Variants in CACNA2D3 observed in about 807,000 individuals in gnomAD.
CACNA2D3 encodes voltage-dependent calcium channel subunit alpha-2/delta-3.
A neutral mutation model predicts 160.6 loss-of-function variants in CACNA2D3; 60 were observed. The ratio of observed to expected loss-of-function variants is 0.37; its 90% CI spans 0.30 to 0.46. CACNA2D3 has a LOEUF of 0.46. Among genes scored for constraint, CACNA2D3 ranks in the 20% least tolerant of loss-of-function variants. The pLI is 1.00. For synonymous variants in CACNA2D3, 558 were observed against 492.9 expected (o/e 1.13, Z -1.75); for missense variants, 1,205 against 1,365.0 (o/e 0.88, Z 1.85).
chr3:54,236,035 C>T (rs1701870350), intron 2 of CACNA2D3, among the ~76,000 whole-genome samples: 1 of 152,228 alleles, frequency 6.6e-6, no homozygotes, highest in South Asian at 2.1e-4. Context: ...CACTTTACCT[C>T]TGTGGTCTTC....
chr3:54,789,726 G>T (rs1702710305), intron 13 of CACNA2D3: 1 of 452,838 alleles, frequency 2.2e-6, no homozygotes, highest in African/African-American at 2.0e-5. Flanking sequence ...TATATGAGTT[G>T]TCAGAGCTTT....
At chr3:54,938,991 C>A (rs952806277) in intron 27 of CACNA2D3, among the ~76,000 whole-genome samples, 1 of 152,164 alleles carries the variant, frequency 6.6e-6, no homozygotes, top group Non-Finnish European at 1.5e-5. Context: ...AAGGGTAGCA[C>A]ACGTTAGACA....
chr3:54,436,073 A>G (rs371242502), intron 4 of CACNA2D3, among the ~76,000 whole-genome samples: 1 of 152,222 alleles, frequency 6.6e-6, no homozygotes, highest in East Asian at 1.9e-4. Flanking sequence ...GACCTAAAGG[A>G]TCTTTGGAAT....
At chr3:54,345,969 C>T (rs1191036007) in intron 3 of CACNA2D3, among the ~76,000 whole-genome samples, 1 of 151,998 alleles carries the variant, frequency 6.6e-6, no homozygotes, top group African/African-American at 2.4e-5. Context: ...CCTCCCATGC[C>T]AGGATTTATA....
At chr3:54,195,478 G>A (rs1701061706) in intron 2 of CACNA2D3, among the ~76,000 whole-genome samples, 1 of 152,180 alleles carries the variant, frequency 6.6e-6, no homozygotes, top group Non-Finnish European at 1.5e-5. Flanking sequence ...TTTATTGAAG[G>A]TGTAGGTGTG....
At position 54,562,882 on chromosome 3, in the gene CACNA2D3, C is replaced by T; in HGVS notation, c.627C>T (p.Leu209=). 6.2e-7 allele frequency: 1 copy of T among 1,613,644 alleles called. No individual in the cohort carries two copies. The highest frequency in any genetic ancestry group is 8.5e-7 in the Non-Finnish European group (1 of 1,179,624). Reference sequence around the variant, plus strand: ...ATAACTTTGACCGTGACCCATCTCTCATATGGCAGTACTTTGGAAGTGCAA... The same window carrying T: ...ATAACTTTGACCGTGACCCATCTCTTATATGGCAGTACTTTGGAAGTGCAA... ...FVDNFDRDPS[L]IWQYFGSAKG... Residue 209 remains leucine (L), a synonymous_variant, in exon 6 of 38, where the codon CTC becomes CTT. Coordinates refer to ENST00000474759, the MANE Select transcript of CACNA2D3 (RefSeq NM_018398.3).
At chr3:54,217,541 C>A (rs927540580) in intron 2 of CACNA2D3, among the ~76,000 whole-genome samples, 1 of 152,114 alleles carries the variant, frequency 6.6e-6, no homozygotes, top group Non-Finnish European at 1.5e-5. Context: ...AATGCTCTCA[C>A]AAGTATCCTT....
chr3:54,166,516 C>T (rs181482455), intron 2 of CACNA2D3, among the ~76,000 whole-genome samples: 1 of 152,184 alleles, frequency 6.6e-6, no homozygotes, highest in Non-Finnish European at 1.5e-5. Flanking sequence ...TTGTTGCCCC[C>T]TTTTTGTTTT....
chr3:54,327,133 T>G (rs1269065119), intron 3 of CACNA2D3, among the ~76,000 whole-genome samples: 1 of 152,250 alleles, frequency 6.6e-6, no homozygotes, highest in Non-Finnish European at 1.5e-5. Context: ...GTGGTCCTCG[T>G]GGGTTTCACC....
At chr3:54,482,177 G>A (rs978828230) in intron 4 of CACNA2D3, among the ~76,000 whole-genome samples, 1 of 152,220 alleles carries the variant, frequency 6.6e-6, no homozygotes, top group Non-Finnish European at 1.5e-5. Context: ...TGCAGACGCA[G>A]TTGTTACTTG....
rs188419991 is a variant in CACNA2D3 at position 54,724,345 on chromosome 3, A to G, written c.1168-28254A>G. 7.0e-3 allele frequency among the ~76,000 whole-genome samples: 1,061 copies of G among 152,294 alleles called. 6 individuals are homozygous for G. The highest frequency in any genetic ancestry group is 0.012 in the Non-Finnish European group (787 of 68,026). On this transcript the variant is annotated intron_variant, in intron 11 of 37. Transcript: ENST00000474759. Reference sequence around the variant, plus strand: ...GAGACTTTAACACTCCACTGTCAATATTAGACAGATCAACGAGACTGAAAA... The same window carrying G: ...GAGACTTTAACACTCCACTGTCAATGTTAGACAGATCAACGAGACTGAAAA...
chr3:54,420,685 G>T (rs1699823966), intron 4 of CACNA2D3, among the ~76,000 whole-genome samples: 2 of 152,176 alleles, frequency 1.3e-5, no homozygotes, highest in South Asian at 4.1e-4. Context: ...CAGGGGAGGA[G>T]ATGTACTATT....
chr3:54,638,607 G>T (rs1035566851), intron 10 of CACNA2D3: 1 of 151,914 alleles, frequency 6.6e-6, no homozygotes, highest in Non-Finnish European at 1.5e-5. Flanking sequence ...GACGCTTGGG[G>T]TTGGTACTGA....
intron 35 of CACNA2D3, among the ~76,000 whole-genome samples, chr3:55,067,108 G>C (rs180770403): frequency 2.9e-4 from 44 of 151,514 alleles, no homozygotes; most frequent in Admixed American, 7.3e-4. Context: ...TAGCGGGGGG[G>C]GCTTTTCTCC....
In CACNA2D3 at chr3:55,074,184, T is replaced by C. The variant is rs1448653890; in HGVS notation, c.3254T>C (p.Leu1085Pro). The C allele has an allele frequency of 6.2e-7, 1 of 1,613,790 alleles. No homozygotes were observed. The highest frequency in any genetic ancestry group is 1.1e-5 in the South Asian group (1 of 91,072). ...AQTVLLLLPL[L>P]LMLFSR ...ACAGTCCTCCTTCTGCTCCCTCTGC[T>C]TTTGATGCTCTTCTCAAGGTGACAC... Residue 1085 changes from leucine (L) to proline (P), a missense_variant, in exon 38 of 38, where the codon CTT (leucine) becomes CCT (proline). Physicochemically the swap from Leu to Pro is moderately conservative, Grantham distance 98. This residue lies in a region of CACNA2D3 where 911 missense variants were observed against 1,002.2 expected (regional missense o/e 0.91). Coordinates refer to ENST00000474759, the MANE Select transcript of CACNA2D3 (RefSeq NM_018398.3).
At chr3:54,843,216 C>T (rs1698860368) in intron 16 of CACNA2D3, among the ~76,000 whole-genome samples, 1 of 152,164 alleles carries the variant, frequency 6.6e-6, no homozygotes. Flanking sequence ...CCTGCCTAGC[C>T]TCTCAAACTG....
At chr3:54,727,716 A>G (rs1480819100) in intron 11 of CACNA2D3, among the ~76,000 whole-genome samples, 2 of 152,170 alleles carry the variant, frequency 1.3e-5, no homozygotes, top group African/African-American at 2.4e-5. Context: ...ATGAAAACAC[A>G]TGGGCATGAG....
intron 25 of CACNA2D3, among the ~76,000 whole-genome samples, chr3:54,895,654 T>C (rs1356688276): frequency 6.6e-6 from 1 of 152,216 alleles, no homozygotes; most frequent in Non-Finnish European, 1.5e-5. Flanking sequence ...CCATTTCTGC[T>C]TCAACTCATG....
intron 2 of CACNA2D3, among the ~76,000 whole-genome samples, chr3:54,155,475 G>A (rs948832083): frequency 6.6e-6 from 1 of 152,088 alleles, no homozygotes; most frequent in Non-Finnish European, 1.5e-5. Context: ...CACATCTATC[G>A]GTCAGAGCCA....
Sources: allele counts gnomAD v4.1 joint callset (sites outside exome capture counted in the v4.1 genomes callset), GRCh38; gene constraint gnomAD v4.1.1; regional missense constraint gnomAD v4.1.1; transcripts MANE v1.5; gene names NCBI Gene and HGNC (gene_info 2026-07-23, HGNC 2026-07-21).